The following HEXB variants were observed in gnomAD, a reference collection of about 807,000 sequenced individuals.
HEXB encodes hexosaminidase subunit beta, also known as beta-hexosaminidase subunit beta.
In HEXB, 51 loss-of-function variants were observed where a neutral mutation model predicts 71.2. The ratio of observed to expected loss-of-function variants is 0.72; its 90% confidence interval spans 0.57 to 0.90. HEXB has a LOEUF of 0.90. Among genes scored for constraint, HEXB ranks in the 40% least tolerant of loss-of-function variants. HEXB has a pLI of 0.00. For missense variants in HEXB, 617 were observed against 677.0 expected (o/e 0.91, Z 0.98); for synonymous variants, 266 against 249.3 (o/e 1.07, Z -0.63).
chr5:74,662,765 T>G (rs1748350869), intron 1 of HEXB, among the ~76,000 whole-genome samples: 1 of 152,212 alleles, frequency 6.6e-6, no homozygotes, highest in Non-Finnish European at 1.5e-5. Context: ...TCTCTGAGTT[T>G]GAACACCTTT....
At chr5:74,685,012 G>A, upstream of HEXB, 1 of 501,340 alleles carries the variant, frequency 2.0e-6, no homozygotes, top group East Asian at 3.5e-5. Flanking sequence ...GCCATCCCGT[G>A]TTTGAGGTTG....
At chr5:74,645,605 T>G (rs1044502708) in intron 1 of HEXB, among the ~76,000 whole-genome samples, 4 of 152,158 alleles carry the variant, frequency 2.6e-5, no homozygotes, top group Admixed American at 6.5e-5. Flanking sequence ...AGGAGTGACA[T>G]TTCAAGGAGT....
At chr5:74,703,336 C>T (rs1749306422) in intron 5 of HEXB, among the ~76,000 whole-genome samples, 1 of 152,194 alleles carries the variant, frequency 6.6e-6, no homozygotes, top group South Asian at 2.1e-4. Context: ...TTGCAGGTTC[C>T]CTTTAATTTT....
intron 6 of HEXB, among the ~76,000 whole-genome samples, chr5:74,712,404 C>T (rs1749567268): frequency 1.3e-5 from 2 of 150,072 alleles, no homozygotes; most frequent in South Asian, 4.2e-4. Context: ...ACATTGTGCA[C>T]ATGTACCCTA....
intron 1 of HEXB, among the ~76,000 whole-genome samples, chr5:74,668,819 A>G (rs926921567): frequency 2.6e-5 from 4 of 152,196 alleles, no homozygotes; most frequent in African/African-American, 4.8e-5. Flanking sequence ...CCTTTTTTAA[A>G]CTGTACACAT....
At chr5:74,710,109 C>T (rs576290417) in intron 6 of HEXB, among the ~76,000 whole-genome samples, 2 of 152,240 alleles carry the variant, frequency 1.3e-5, no homozygotes, top group South Asian at 4.1e-4. Context: ...GGGCTTCATC[C>T]CTGGGACGCA....
At chr5:74,666,610 G>A (rs575647952) in intron 1 of HEXB, among the ~76,000 whole-genome samples, 1 of 152,140 alleles carries the variant, frequency 6.6e-6, no homozygotes, top group African/African-American at 2.4e-5. Context: ...GCCCTAAGAG[G>A]CCCTGCCCAC....
Position 74,718,922 on chromosome 5 carries a change from T to C in HEXB, c.1368T>C (p.Tyr456=). Residue 456 remains tyrosine (Y), a synonymous_variant, in exon 11 of 14, where the codon TAT becomes TAC. Transcript: ENST00000261416. ...CTTGGTACTTAGATTTGATTAGCTA[T>C]GGACAAGATTGGAGGAAATACTATA... The part of the protein sequence containing the change: ...SAPWYLDLIS[Y]GQDWRKYYKV... The C allele has an allele frequency of 6.2e-7, 1 of 1,614,158 alleles. No homozygotes were observed. The highest frequency in any genetic ancestry group is 8.5e-7 in the Non-Finnish European group (1 of 1,180,008).
intron 1 of HEXB, among the ~76,000 whole-genome samples, chr5:74,664,870 G>A (rs2112094125): frequency 6.6e-6 from 1 of 152,278 alleles, no homozygotes; most frequent in South Asian, 2.1e-4. Flanking sequence ...CTAATGAGAG[G>A]ACCTAGCACC....
intron 5 of HEXB, among the ~76,000 whole-genome samples, chr5:74,704,860 G>A (rs1324499375): frequency 6.6e-6 from 1 of 152,174 alleles, no homozygotes; most frequent in African/African-American, 2.4e-5. Flanking sequence ...GGGAGGCCAA[G>A]GCGGGTGGTT....
At position 74,661,547 on chromosome 5, in the gene HEXB, GTGTGTGTGTGTGTGTGTCTC is replaced by G. The variant is rs1375066900; in HGVS notation, c.-377+20991_-377+21010del. 3.8e-3 allele frequency among the ~76,000 whole-genome samples: 317 copies of G among 82,952 alleles called. 4 individuals are homozygous for G. Among genetic ancestry groups the G allele is most frequent in the African/African-American group, 0.022 (309 of 13,902 alleles). The allele number at this position is 82,952 out of a possible 152,430, so 54.4% of individuals were successfully genotyped here. On this transcript the variant is annotated intron_variant, in intron 1 of 13. Transcript: ENST00000511181. ...TGTGTGTGTGTGTGTGTGTGTGTGT[GTGTGTGTGTGTGTGTGTCTC>G]TCTCTCTCTCTCTCTCTTTCATCTT...
At position 74,720,746 on chromosome 5, in the gene HEXB, G is replaced by A. The variant is rs143635580; in HGVS notation, c.1612G>A (p.Glu538Lys). 47 of 1,609,810 alleles carry A rather than the reference G, an allele frequency of 2.9e-5. No individual in the cohort carries two copies. In the African/African-American group the frequency reaches 4.4e-4, roughly 15 times the overall value. Residue 538 changes from glutamate to lysine, a missense_variant and splice_region_variant, in exon 13 of 14, where the codon GAA becomes AAA. Physicochemically the swap from Glu to Lys is moderately conservative, Grantham distance 56. Transcript: ENST00000261416. ...RLTRHRCRMV[E>K]RGIAAQPLYA... The stretch of plus-strand genomic sequence containing the variant: ...GACAAGGCACCGCTGCAGGATGGTC[G>A]AGTAAGAAATCTATTAAGTCCAGTG...
At position 74,696,677 on chromosome 5, in the gene HEXB, AT is replaced by A; in HGVS notation, c.512-12del. ...GTTGATTTATAAATTAATGCAATAA[AT>A]TTTACTTTCCTCAGGTTTAGAGACC... On this transcript the variant is annotated splice_polypyrimidine_tract_variant and intron_variant, in intron 3 of 13. Transcript: ENST00000261416. 7.6e-7 allele frequency: 1 copy of A among 1,312,314 alleles called. No homozygotes were observed. The highest frequency in any genetic ancestry group is 1.1e-6 in the Non-Finnish European group (1 of 907,636). The allele number at this position is 1,312,314 out of a possible 1,614,324, so 81.3% of individuals were successfully genotyped here.
At chr5:74,709,096 C>G (rs1293597025) in intron 6 of HEXB, among the ~76,000 whole-genome samples, 1 of 152,214 alleles carries the variant, frequency 6.6e-6, no homozygotes, top group East Asian at 1.9e-4. Flanking sequence ...AACTATCTCT[C>G]AGACCACAGT....
At chr5:74,718,396 TAA>T (rs747851899) in intron 10 of HEXB, 33 bp downstream of exon 10, 2 of 1,440,638 alleles carry the variant, frequency 1.4e-6, no homozygotes, top group Non-Finnish European at 2.0e-6. Flanking sequence ...CTGATCAATA[TAA>T]GAGACTTAAT....
At chr5:74,696,792 A>G (rs1561218186) in intron 4 of HEXB, 53 bp downstream of exon 4, 6 of 926,674 alleles carry the variant, frequency 6.5e-6, no homozygotes, top group Non-Finnish European at 1.1e-5. Flanking sequence ...TTGCTAATAG[A>G]AAAAAATGTA....
In HEXB at chr5:74,641,298, G is replaced by A. The variant is rs570726745; in HGVS notation, c.-377+740G>A. 1.3e-5 allele frequency: 2 copies of A among 152,564 alleles called. No homozygotes were observed. Among genetic ancestry groups the A allele is most frequent in the African/African-American group, 2.4e-5 (1 of 41,584 alleles). The allele number at this position is 152,564 out of a possible 1,614,324, so 9.5% of individuals were successfully genotyped here. On this transcript the variant is annotated intron_variant, in intron 1 of 13. Coordinates refer to the HEXB transcript ENST00000511181. The surrounding 1 kb of genome is among the most constrained non-coding windows in gnomAD (Gnocchi z 4.1). ...AAGTCTGGACAGTTTAGGGACACTC[G>A]GGTTGAGCAAGCCAGGACGTTTAAG...
intron 5 of HEXB, among the ~76,000 whole-genome samples, chr5:74,700,483 T>A (rs928546044): frequency 2.0e-5 from 3 of 151,878 alleles, no homozygotes; most frequent in Non-Finnish European, 2.9e-5. Flanking sequence ...TTAAAAAAAA[T>A]TTGTGTAGAG....
At chr5:74,685,197 C>T, upstream of HEXB, 1 of 1,432,920 alleles carries the variant, frequency 7.0e-7, no homozygotes, top group Non-Finnish European at 9.1e-7. Flanking sequence ...TGATCCGGGC[C>T]GGGCGGGAAG....
Sources: allele counts gnomAD v4.1 joint callset (sites outside exome capture counted in the v4.1 genomes callset), GRCh38; gene constraint gnomAD v4.1.1; non-coding constraint Gnocchi (gnomAD v3.1); transcripts MANE v1.5; gene names NCBI Gene and HGNC (gene_info 2026-07-23, HGNC 2026-07-21).